The following DAB1 variants were observed in gnomAD, a reference collection of about 807,000 sequenced individuals.
The protein encoded by DAB1 is DAB adaptor protein 1.
In DAB1, 15 loss-of-function variants were observed where a neutral mutation model predicts 64.6. The observed-to-expected ratio is 0.23, with a 90% CI of 0.16 to 0.36. DAB1 has a LOEUF of 0.36. DAB1 is among the 10% of genes least tolerant of loss of function. The pLI is 1.00. For missense variants in DAB1, 596 were observed against 706.7 expected (o/e 0.84, Z 1.78); for synonymous variants, 235 against 251.9 (o/e 0.93, Z 0.64).
At chr1:57,049,276 T>G (rs1253082408) in intron 9 of DAB1, among the ~76,000 whole-genome samples, 3 of 151,090 alleles carry the variant, frequency 2.0e-5, no homozygotes, top group Non-Finnish European at 4.4e-5. Context: ...GGTGAAACCC[T>G]GTCTCTACTA....
intron 5 of DAB1, among the ~76,000 whole-genome samples, chr1:58,085,687 A>G (rs959002300): frequency 6.6e-6 from 1 of 151,952 alleles, no homozygotes; most frequent in African/African-American, 2.4e-5. Context: ...TTTAAATACA[A>G]TCAGTCTCTT....
intron 4 of DAB1, among the ~76,000 whole-genome samples, chr1:57,090,851 C>T (rs1653590321): frequency 6.6e-6 from 1 of 152,092 alleles, no homozygotes; most frequent in African/African-American, 2.4e-5. Context: ...GTGAGCAGTA[C>T]CGCCTGAGCT....
intron 7 of DAB1, among the ~76,000 whole-genome samples, chr1:57,647,252 A>T (rs973839753): frequency 6.6e-6 from 1 of 152,176 alleles, no homozygotes; most frequent in African/African-American, 2.4e-5. Flanking sequence ...TTCTAGGAAT[A>T]GATGAATAAC....
chr1:57,673,472 T>G (rs1211229979), intron 6 of DAB1, among the ~76,000 whole-genome samples: 1 of 152,116 alleles, frequency 6.6e-6, no homozygotes, highest in East Asian at 1.9e-4. Flanking sequence ...TTGGCAGGTT[T>G]TTTTCTAATC....
At chr1:58,176,336 T>TA (rs879814768) in intron 4 of DAB1, among the ~76,000 whole-genome samples, 6 of 152,008 alleles carry the variant, frequency 3.9e-5, no homozygotes, top group Admixed American at 2.0e-4. Context: ...ATCAGTCATG[T>TA]AAAAAAAATA....
chr1:58,493,687 A>G (rs1427992534), intron 3 of DAB1, among the ~76,000 whole-genome samples: 2 of 151,822 alleles, frequency 1.3e-5, no homozygotes, highest in Non-Finnish European at 2.9e-5. Context: ...AGAGAATAAA[A>G]TAGCTAGGAA....
chr1:58,155,547 T>C (rs1393747203), intron 4 of DAB1, among the ~76,000 whole-genome samples: 2 of 152,206 alleles, frequency 1.3e-5, no homozygotes, highest in African/African-American at 2.4e-5. Context: ...GCACCCCCTA[T>C]TGGCAGAGCC....
At chr1:57,841,586 T>G (rs146571446) in intron 1 of DAB1, among the ~76,000 whole-genome samples, 1 of 152,332 alleles carries the variant, frequency 6.6e-6, no homozygotes, top group Admixed American at 6.5e-5. Flanking sequence ...TAACACCACA[T>G]GGAAGCCACC....
At chr1:57,144,243 TATG>T (rs1326446933) in intron 3 of DAB1, among the ~76,000 whole-genome samples, 4 of 152,082 alleles carry the variant, frequency 2.6e-5, no homozygotes, top group South Asian at 2.1e-4. Flanking sequence ...TTGAAATACA[TATG>T]ATATTTGTAT....
At chr1:58,261,911 T>C (rs756537372) in intron 4 of DAB1, among the ~76,000 whole-genome samples, 16 of 152,158 alleles carry the variant, frequency 1.1e-4, no homozygotes, top group Non-Finnish European at 1.6e-4. Flanking sequence ...AGGTAGAATT[T>C]ACCAAACCTG....
chr1:58,104,071 TA>T (rs1651491905), intron 5 of DAB1, among the ~76,000 whole-genome samples: 1 of 152,200 alleles, frequency 6.6e-6, no homozygotes, highest in African/African-American at 2.4e-5. Context: ...GACCTATTTC[TA>T]AGAAGGATTC....
intron 5 of DAB1, among the ~76,000 whole-genome samples, chr1:58,055,222 T>G (rs926722220): frequency 2.6e-5 from 4 of 152,210 alleles, no homozygotes; most frequent in African/African-American, 9.6e-5. Flanking sequence ...CTGGCTCCTG[T>G]TACCTCTCTG....
At chr1:58,362,913 T>G (rs111939100) in intron 3 of DAB1, among the ~76,000 whole-genome samples, 2,150 of 152,252 alleles carry the variant, frequency 0.014, 52 homozygotes, top group African/African-American at 0.049. Context: ...CAACAGAAAT[T>G]TATTTTCTTA....
intron 5 of DAB1, among the ~76,000 whole-genome samples, chr1:57,966,597 A>C (rs1443099652): frequency 6.6e-6 from 1 of 152,200 alleles, no homozygotes; most frequent in Non-Finnish European, 1.5e-5. Context: ...ATCATGAGAA[A>C]TAACACATTG....
At chr1:57,580,854 G>A (rs1283973862) in intron 7 of DAB1, among the ~76,000 whole-genome samples, 1 of 152,192 alleles carries the variant, frequency 6.6e-6, no homozygotes, top group East Asian at 1.9e-4. Context: ...TCAGGGTGGA[G>A]GTGAACAGAC....
At chr1:57,518,092 C>G (rs1461146611) in intron 7 of DAB1, among the ~76,000 whole-genome samples, 1 of 152,156 alleles carries the variant, frequency 6.6e-6, no homozygotes, top group African/African-American at 2.4e-5. Flanking sequence ...CCCATGGGAT[C>G]CAAACAGAAC....
At chr1:57,103,110 C>A (rs1187534974) in intron 4 of DAB1, among the ~76,000 whole-genome samples, 2 of 151,956 alleles carry the variant, frequency 1.3e-5, no homozygotes, top group Non-Finnish European at 2.9e-5. Context: ...ACACTAAATC[C>A]CTGGGTGCTA....
At chr1:57,979,626 C>T (rs1646013188) in intron 5 of DAB1, among the ~76,000 whole-genome samples, 1 of 152,206 alleles carries the variant, frequency 6.6e-6, no homozygotes, top group African/African-American at 2.4e-5. Context: ...GAAGTCACTT[C>T]CTCCAGCATG....
chr1:57,553,454 A>AAGAAAGAAAGAAAGAAAGAAAGAG, intron 7 of DAB1, among the ~76,000 whole-genome samples: 13 of 137,186 alleles, frequency 9.5e-5, no homozygotes, highest in African/African-American at 3.4e-4. Context: ...GAAAGAAAGA[A>AAGAAAGAAAGAAAGAAAGAAAGAG]AGAAAGAGAA....
Sources: allele counts gnomAD v4.1 joint callset (sites outside exome capture counted in the v4.1 genomes callset), GRCh38; gene constraint gnomAD v4.1.1; transcripts MANE v1.5; gene names NCBI Gene and HGNC (gene_info 2026-07-23, HGNC 2026-07-21).